MYO16: variants seen among roughly 807,000 people sequenced by gnomAD.
The protein encoded by MYO16 is myosin XVI.
MYO16 carries 94 observed loss-of-function variants against 205.3 expected under a neutral mutation model. That is an observed-to-expected ratio of 0.46 (90% CI 0.39 to 0.54). MYO16 has a LOEUF of 0.54. Ranked by LOEUF, MYO16 falls within the 20% of genes least tolerant of loss-of-function variation. The pLI is 0.00. For synonymous variants in MYO16, 988 were observed against 954.0 expected (o/e 1.04, Z -0.66); for missense variants, 2,315 against 2,387.5 (o/e 0.97, Z 0.63).
At chr13:108,878,269 G>A (rs1594364160) in intron 12 of MYO16, among the ~76,000 whole-genome samples, 1 of 152,008 alleles carries the variant, frequency 6.6e-6, no homozygotes, top group South Asian at 2.1e-4. Context: ...ACCCCATCCT[G>A]TACCCCCAAA....
intron 34 of MYO16, among the ~76,000 whole-genome samples, chr13:109,184,138 A>C (rs553936638): frequency 6.6e-6 from 1 of 152,216 alleles, no homozygotes; most frequent in African/African-American, 2.4e-5. Context: ...AATTCTAAAG[A>C]TATGTCAGGG....
At chr13:108,601,180 G>A (rs1878750507) in intron 1 of MYO16, among the ~76,000 whole-genome samples, 2 of 152,034 alleles carry the variant, frequency 1.3e-5, no homozygotes, top group Non-Finnish European at 2.9e-5. Context: ...GTCCCATGGA[G>A]CACCGCAACT....
chr13:108,922,391 A>G (rs1881783246), intron 16 of MYO16, among the ~76,000 whole-genome samples: 1 of 152,164 alleles, frequency 6.6e-6, no homozygotes, highest in Non-Finnish European at 1.5e-5. Flanking sequence ...CACGCTGCTG[A>G]GAGAGATCTT....
chr13:108,528,165 G>T, the MYO16 span, among the ~76,000 whole-genome samples: 1 of 152,192 alleles, frequency 6.6e-6, no homozygotes, highest in East Asian at 1.9e-4. Context: ...AATTAAGTGG[G>T]ATGAATGCTT....
intron 12 of MYO16, among the ~76,000 whole-genome samples, chr13:108,878,940 A>G (rs1258032590): frequency 6.6e-6 from 1 of 152,242 alleles, no homozygotes; most frequent in Non-Finnish European, 1.5e-5. Context: ...GTCTGTTTCA[A>G]GTGATCTGTG....
At chr13:109,098,579 A>G (rs1266193915) in intron 27 of MYO16, among the ~76,000 whole-genome samples, 68 of 152,280 alleles carry the variant, frequency 4.5e-4, no homozygotes, top group Admixed American at 4.4e-3. Context: ...CCTGTTGACC[A>G]ATACCGGCTG....
intron 5 of MYO16, among the ~76,000 whole-genome samples, chr13:108,791,398 T>G (rs935746227): frequency 2.6e-5 from 4 of 152,236 alleles, no homozygotes; most frequent in Admixed American, 2.6e-4. Flanking sequence ...AAACACATGT[T>G]AGAAAGCTGA....
At chr13:108,566,256 G>A in the MYO16 span, among the ~76,000 whole-genome samples, 1 of 152,030 alleles carries the variant, frequency 6.6e-6, no homozygotes, top group African/African-American at 2.4e-5. Context: ...AATATTGGTA[G>A]ATTGTATGTA....
rs182721458 is a variant in MYO16 at position 108,863,375 on chromosome 13, A to G, written c.1360-2802A>G. On this transcript the variant is annotated intron_variant, in intron 11 of 34. Coordinates refer to ENST00000457511, the MANE Select transcript of MYO16 (RefSeq NM_001198950.3). Reference sequence around the variant, plus strand: ...AGATTAAGGAAGTCCCATTATATTCATGATTTTCAAAGTTATTTTTTAATC... The same window carrying G: ...AGATTAAGGAAGTCCCATTATATTCGTGATTTTCAAAGTTATTTTTTAATC... Among the ~76,000 whole-genome samples the G allele has an allele frequency of 4.6e-4, 70 of 152,260 alleles. No homozygotes were observed. The East Asian group carries it at 0.011, about 25-fold the overall frequency.
Position 109,207,369 on chromosome 13 carries a change from C to T in MYO16, c.*533C>T, listed in dbSNP as rs968846998. On this transcript the variant is annotated 3_prime_UTR_variant, in exon 35 of 35. Coordinates refer to ENST00000457511, the MANE Select transcript of MYO16 (RefSeq NM_001198950.3). ...TAAATTTATGCAATTGGTGGTGCTT[C>T]CTTTCTTCAAAATACAGATTTTAAA... 7 of 152,022 alleles carry T rather than the reference C, an allele frequency of 4.6e-5. No individual in the cohort carries two copies. The highest frequency in any genetic ancestry group is 1.7e-4 in the African/African-American group (7 of 41,358). 9.4% of individuals were successfully genotyped at this position (152,022 alleles called of 1,614,324 possible).
chr13:108,715,879 T>G (rs1300164964), intron 3 of MYO16, among the ~76,000 whole-genome samples: 2 of 152,228 alleles, frequency 1.3e-5, no homozygotes, highest in Non-Finnish European at 2.9e-5. Flanking sequence ...TCTGTAGATA[T>G]TGCCACAATG....
intron 32 of MYO16, among the ~76,000 whole-genome samples, chr13:109,158,601 C>T (rs1212071701): frequency 1.3e-5 from 2 of 152,160 alleles, no homozygotes; most frequent in Non-Finnish European, 2.9e-5. Context: ...TTTCTCCTCC[C>T]GCCTGTGAAT....
chr13:108,544,736 AC>A, the MYO16 span, among the ~76,000 whole-genome samples: 1 of 152,086 alleles, frequency 6.6e-6, no homozygotes, highest in East Asian at 1.9e-4. Context: ...GCTAACTCCC[AC>A]CTACCCCACC....
intron 23 of MYO16, among the ~76,000 whole-genome samples, chr13:109,023,999 T>C (rs1227894784): frequency 2.9e-5 from 3 of 102,814 alleles, no homozygotes; most frequent in Non-Finnish European, 4.1e-5. Flanking sequence ...TATATGTATA[T>C]ATAGAAATAT....
rs544714987 is a variant in MYO16 at position 108,635,843 on chromosome 13, T to A, written c.28+5971T>A. ...TTTTGCCTTTGTTTTGGGTGTTGGA[T>A]GGCATCTGATTTTTTACTAATTGTG... On this transcript the variant is annotated intron_variant, in intron 1 of 34. Transcript: ENST00000457511. Among the ~76,000 whole-genome samples the A allele has an allele frequency of 2.4e-4, 37 of 152,274 alleles. No individual in the cohort carries two copies. The Middle Eastern group carries it at 0.01, about 42-fold the overall frequency.
chr13:108,753,960 A>T (rs985378350), intron 4 of MYO16, among the ~76,000 whole-genome samples: 1 of 152,252 alleles, frequency 6.6e-6, no homozygotes, highest in Admixed American at 6.5e-5. Context: ...ATATCACCTT[A>T]TCACGTCACC....
At chr13:108,708,458 T>A (rs2139538103) in intron 2 of MYO16, among the ~76,000 whole-genome samples, 1 of 152,324 alleles carries the variant, frequency 6.6e-6, no homozygotes, top group African/African-American at 2.4e-5. Flanking sequence ...TATTTAGAAA[T>A]AAAATCAAAC....
chr13:108,843,890 C>T (rs570952184), intron 9 of MYO16, among the ~76,000 whole-genome samples: 18 of 152,076 alleles, frequency 1.2e-4, no homozygotes, highest in African/African-American at 2.7e-4. Context: ...ATTATTCCAT[C>T]GCAAACTTGA....
chr13:109,067,895 C>A (rs73618332), intron 27 of MYO16, among the ~76,000 whole-genome samples: 1 of 152,078 alleles, frequency 6.6e-6, no homozygotes, highest in Non-Finnish European at 1.5e-5. Context: ...TGTACATTTT[C>A]GCTTAAAACA....
Sources: allele counts gnomAD v4.1 joint callset (sites outside exome capture counted in the v4.1 genomes callset), GRCh38; gene constraint gnomAD v4.1.1; transcripts MANE v1.5; gene names NCBI Gene and HGNC (gene_info 2026-07-23, HGNC 2026-07-21).